The following PRPS1 variants were observed in gnomAD, a reference collection of about 807,000 sequenced individuals.
The protein encoded by PRPS1 is ribose-phosphate pyrophosphokinase 1.
PRPS1 carries 1 observed loss-of-function variant against 16.9 expected under a neutral mutation model. The observed-to-expected ratio is 0.06, with a 90% CI of 0.02 to 0.28. The LOEUF (loss-of-function observed/expected upper bound fraction) is 0.28. Ranked by LOEUF, PRPS1 falls within the 10% of genes least tolerant of loss-of-function variation. PRPS1 has a pLI of 1.00. For missense variants in PRPS1, 47 were observed against 254.0 expected, an observed-to-expected ratio of 0.19 and a Z score of 5.54; for synonymous variants, 70 against 90.2, an observed-to-expected ratio of 0.78 and a Z score of 1.27.
chrX:107,638,250 C>T (rs1024380601), intron 1 of PRPS1, among the ~76,000 whole-genome samples: 9 of 111,644 alleles, frequency 8.1e-5, no homozygotes, highest in African/African-American at 2.9e-4. Context: ...GCTGGGACTA[C>T]AGGCGTGTGC....
intron 1 of PRPS1, among the ~76,000 whole-genome samples, chrX:107,631,221 A>AT (rs1390521406): frequency 9.0e-6 from 1 of 111,164 alleles, no homozygotes; most frequent in African/African-American, 3.3e-5. Context: ...AAAGATTTTA[A>AT]TTTATTTTTT....
chrX:107,637,803 C>G (rs1925474572), intron 1 of PRPS1, among the ~76,000 whole-genome samples: 1 of 110,001 alleles, frequency 9.1e-6, no homozygotes, highest in Admixed American at 9.8e-5. Flanking sequence ...TAACCATTCA[C>G]AGCATACTAG....
chrX:107,628,688 T>C lies in PRPS1; in HGVS notation c.60T>C (p.Ala20=), dbSNP rs756853882. The C allele has an allele frequency of 8.3e-6, 10 of 1,209,376 alleles. No homozygotes were observed. Among genetic ancestry groups the C allele is most frequent in the Non-Finnish European group, 1.1e-5 (10 of 895,135 alleles). ...ACCAGGACTTATCTCAGAAAATTGC[T>C]GACCGCCTGGGCCTGGAGCTAGGCA... ...SSHQDLSQKI[A]DRLGLELGKV... is the part of the protein sequence containing the mutation. Residue 20 remains alanine (A), a synonymous_variant, in exon 1 of 7, where the codon GCT becomes GCC. Transcript: ENST00000372435.
chrX:107,631,933 C>T (rs887552700), intron 1 of PRPS1, among the ~76,000 whole-genome samples: 2 of 112,524 alleles, frequency 1.8e-5, no homozygotes, highest in African/African-American at 6.5e-5. Flanking sequence ...GGTGATCCCC[C>T]ACACCTTGGC....
chrX:107,632,737 C>T (rs1012943946), intron 1 of PRPS1, among the ~76,000 whole-genome samples: 2 of 112,252 alleles, frequency 1.8e-5, no homozygotes, highest in East Asian at 2.8e-4. Context: ...ATATTCTTCT[C>T]GATCACTGCC....
At chrX:107,639,747 C>G (rs1023149138) in intron 2 of PRPS1, among the ~76,000 whole-genome samples, 1 of 111,733 alleles carries the variant, frequency 8.9e-6, no homozygotes, top group Non-Finnish European at 1.9e-5. Context: ...TAAGCACCAA[C>G]TCCTCTGGAG....
In PRPS1 at chrX:107,640,839, G is replaced by A. The variant is rs1417828279; in HGVS notation, c.307-63G>A. On this transcript the variant is annotated intron_variant, in intron 2 of 6. Coordinates refer to ENST00000372435, the MANE Select transcript of PRPS1 (RefSeq NM_002764.4). ...AGGTACACAATAAATAGTTTCTTGA[G>A]TAAATGAATTGTTTTTCAAATTGGC... 39 of 1,145,827 alleles carry A rather than the reference G, an allele frequency of 3.4e-5. No individual in the cohort carries two copies. In the Middle Eastern group the frequency reaches 7.8e-4, roughly 23 times the overall value. The allele number at this position is 1,145,827 out of a possible 1,213,427, so 94.4% of individuals were successfully genotyped here.
intron 5 of PRPS1, among the ~76,000 whole-genome samples, chrX:107,647,130 G>A (rs559969671): frequency 8.0e-5 from 9 of 112,910 alleles, no homozygotes; most frequent in African/African-American, 1.9e-4. Context: ...TGAGGGGCAC[G>A]TATTTAGGAT....
intron 4 of PRPS1, among the ~76,000 whole-genome samples, chrX:107,642,871 A>G (rs1237974990): frequency 2.7e-5 from 3 of 112,063 alleles, no homozygotes; most frequent in Non-Finnish European, 5.6e-5. Context: ...TCCTCTTACA[A>G]TGCTGTTGGT....
Position 107,641,004 on chromosome X carries a change from T to G in PRPS1, c.405+4T>G. 1 of 1,211,957 alleles carries G rather than the reference T, an allele frequency of 8.3e-7. No homozygotes were observed. Among genetic ancestry groups the G allele is most frequent in the Non-Finnish European group, 1.1e-6 (1 of 895,624 alleles). On this transcript the variant is annotated splice_donor_region_variant and intron_variant, in intron 3 of 6. Coordinates refer to ENST00000372435, the MANE Select transcript of PRPS1 (RefSeq NM_002764.4). ...CCTACATGCTTCTCAAATTCAGGTA[T>G]CAGTGGAAGCTAAATATTGGTGTTT...
intron 5 of PRPS1, among the ~76,000 whole-genome samples, chrX:107,646,824 A>C (rs1335420694): frequency 8.9e-6 from 1 of 112,378 alleles, no homozygotes; most frequent in Non-Finnish European, 1.9e-5. Context: ...GTTAAGTCCA[A>C]CCAAAAACTG....
intron 1 of PRPS1, among the ~76,000 whole-genome samples, chrX:107,630,452 T>A (rs1217079136): frequency 1.8e-5 from 2 of 112,237 alleles, no homozygotes; most frequent in Non-Finnish European, 3.8e-5. Flanking sequence ...AGTTTTCTAC[T>A]GATTGATTTC....
chrX:107,641,089 CCAAGTA>C, intron 3 of PRPS1, 89 bp downstream of exon 3: 1 of 1,206,181 alleles, frequency 8.3e-7, no homozygotes, highest in Admixed American at 2.2e-5. Flanking sequence ...AAAATTATGC[CCAAGTA>C]CATCTGAAAT....
rs146084272 is a variant in PRPS1 at position 107,629,345 on chromosome X, C to A, written c.122+595C>A. ...TGGCTTTTCTCATCTTATGAATCAT[C>A]TACCTGAGTAATTGGAGCCATAAAT... On this transcript the variant is annotated intron_variant, in intron 1 of 6. Transcript: ENST00000372435. 1.9e-4 allele frequency among the ~76,000 whole-genome samples: 21 copies of A among 111,822 alleles called. No individual in the cohort carries two copies. The East Asian group carries it at 3.4e-3, about 18-fold the overall frequency.
At chrX:107,634,101 T>G (rs749511614) in intron 1 of PRPS1, among the ~76,000 whole-genome samples, 1 of 112,023 alleles carries the variant, frequency 8.9e-6, no homozygotes, top group Non-Finnish European at 1.9e-5. Flanking sequence ...ACAAACCGTT[T>G]GTTAAGGTAG....
chrX:107,640,630 A>G (rs778589733), intron 2 of PRPS1, among the ~76,000 whole-genome samples: 23 of 112,450 alleles, frequency 2.0e-4, no homozygotes, highest in Admixed American at 3.8e-4. Flanking sequence ...ACACTTGAAT[A>G]GGATTGAAAA....
intron 1 of PRPS1, among the ~76,000 whole-genome samples, chrX:107,637,599 T>C (rs1263894276): frequency 9.0e-6 from 1 of 111,355 alleles, no homozygotes; most frequent in African/African-American, 3.3e-5. Flanking sequence ...GTAAGTACTT[T>C]AGACTAACAT....
At chrX:107,630,826 C>T (rs1217494259) in intron 1 of PRPS1, among the ~76,000 whole-genome samples, 3 of 110,761 alleles carry the variant, frequency 2.7e-5, no homozygotes, top group Non-Finnish European at 3.8e-5. Context: ...GATCTGAATC[C>T]TTAACCTTTC....
chrX:107,630,313 A>G (rs983272376), intron 1 of PRPS1: 1 of 112,111 alleles, frequency 8.9e-6, no homozygotes, highest in African/African-American at 3.2e-5. Context: ...TCCTTTTCCT[A>G]TGCGTCTAGG....
Sources: allele counts gnomAD v4.1 joint callset (sites outside exome capture counted in the v4.1 genomes callset), GRCh38; gene constraint gnomAD v4.1.1; transcripts MANE v1.5; gene names NCBI Gene and HGNC (gene_info 2026-07-23, HGNC 2026-07-21).